CLEC16A: variants seen among roughly 807,000 people sequenced by gnomAD.
CLEC16A encodes the protein protein CLEC16A.
In CLEC16A, 51 loss-of-function variants were observed where a neutral mutation model predicts 109.5. The observed-to-expected ratio is 0.47, with a 90% CI of 0.37 to 0.59. CLEC16A has a LOEUF of 0.59. Ranked by LOEUF, CLEC16A falls within the 20% of genes least tolerant of loss-of-function variation. The pLI, the probability that CLEC16A is intolerant of heterozygous loss-of-function variation, is 0.00. For missense variants in CLEC16A, 1,339 were observed against 1,394.0 expected, an observed-to-expected ratio of 0.96 and a Z score of 0.63; for synonymous variants, 673 against 564.2, an observed-to-expected ratio of 1.19 and a Z score of -2.73.
intron 2 of CLEC16A, among the ~76,000 whole-genome samples, chr16:10,960,733 ATCTCT>A (rs894867871): frequency 3.3e-5 from 5 of 152,070 alleles, no homozygotes; most frequent in Non-Finnish European, 5.9e-5. Flanking sequence ...TGGAAGATTC[ATCTCT>A]TCTCTCTCAT....
chr16:11,101,272 C>G (rs988492172), intron 19 of CLEC16A, among the ~76,000 whole-genome samples: 2 of 152,188 alleles, frequency 1.3e-5, no homozygotes, highest in African/African-American at 4.8e-5. Context: ...ATTTATAGTC[C>G]TAGGTGTGGC....
chr16:11,029,265 C>A (rs931967690), intron 13 of CLEC16A, among the ~76,000 whole-genome samples: 1 of 152,072 alleles, frequency 6.6e-6, no homozygotes, highest in African/African-American at 2.4e-5. Context: ...CCACACTGGC[C>A]CCCCCAGTGT....
At chr16:10,972,198 G>A (rs1209013892) in intron 5 of CLEC16A, among the ~76,000 whole-genome samples, 3 of 152,238 alleles carry the variant, frequency 2.0e-5, no homozygotes, top group African/African-American at 7.2e-5. Context: ...CCTTGAAGAT[G>A]TAGATTTGGC....
At chr16:11,156,857 C>G (rs115155109) in intron 22 of CLEC16A, among the ~76,000 whole-genome samples, 2,159 of 151,982 alleles carry the variant, frequency 0.014, 65 homozygotes, top group African/African-American at 0.05. Context: ...CCCTCTGTGG[C>G]CTGGATAGGT....
rs2041243303 is a variant in CLEC16A, at chr16:10,944,618, C to T, written c.-100C>T. 2.5e-6 allele frequency: 3 copies of T among 1,183,514 alleles called. No individual in the cohort carries two copies. The highest frequency in any genetic ancestry group is 2.4e-6 in the Non-Finnish European group (2 of 836,930). The allele number at this position is 1,183,514 out of a possible 1,614,324, so 73.3% of individuals were successfully genotyped here. On this transcript the variant is annotated 5_prime_UTR_variant, in exon 1 of 24. Transcript: ENST00000409790. ...CGGCTCGCGGTTCCTCCACCGCCTC[C>T]GCCGCCGCATCCTCCGCTTGTGCTA...
chr16:11,043,254 A>G (rs1455258043), intron 15 of CLEC16A, among the ~76,000 whole-genome samples: 1 of 152,086 alleles, frequency 6.6e-6, no homozygotes, highest in Non-Finnish European at 1.5e-5. Context: ...CCCTATCTCT[A>G]AAAAAACAAA....
intron 12 of CLEC16A, 62 bp downstream of exon 12, chr16:11,020,387 G>A (rs2046026075): frequency 2.0e-6 from 3 of 1,514,536 alleles, no homozygotes; most frequent in Non-Finnish European, 8.9e-7. Flanking sequence ...GCTCAGTGGG[G>A]AGGTTGAGCC....
intron 19 of CLEC16A, among the ~76,000 whole-genome samples, chr16:11,078,548 A>C (rs2049518850): frequency 6.6e-6 from 1 of 152,210 alleles, no homozygotes; most frequent in African/African-American, 2.4e-5. Context: ...TCAGTTTCTC[A>C]GGTGGAAACC....
At chr16:10,945,331 C>T (rs1479255785) in intron 1 of CLEC16A, among the ~76,000 whole-genome samples, 1 of 152,144 alleles carries the variant, frequency 6.6e-6, no homozygotes, top group South Asian at 2.1e-4. Flanking sequence ...GCTCATTAAA[C>T]GGCATTAATT....
chr16:11,047,083 A>G (rs2047672865), intron 16 of CLEC16A, among the ~76,000 whole-genome samples: 2 of 152,106 alleles, frequency 1.3e-5, no homozygotes, highest in Admixed American at 1.3e-4. Context: ...GGAAGGAGAA[A>G]ATTTTGAATA....
At chr16:11,156,916 C>G (rs1024540440) in intron 22 of CLEC16A, among the ~76,000 whole-genome samples, 1 of 101,692 alleles carries the variant, frequency 9.8e-6, no homozygotes, top group East Asian at 3.4e-4. Context: ...CCCAAATGCC[C>G]GCCCCCCCCC....
intron 22 of CLEC16A, among the ~76,000 whole-genome samples, chr16:11,132,408 G>GAAT (rs1171527141): frequency 6.6e-6 from 1 of 151,978 alleles, no homozygotes; most frequent in African/African-American, 2.4e-5. Flanking sequence ...TCTTTTAGCT[G>GAAT]AATAATATGC....
chr16:11,043,840 C>G (rs763849625), intron 15 of CLEC16A, among the ~76,000 whole-genome samples, 188 bp from the exon 16 acceptor site: 3 of 151,804 alleles, frequency 2.0e-5, no homozygotes, highest in Non-Finnish European at 4.4e-5. Flanking sequence ...ACTCCATGCA[C>G]TCCAGCCTGG....
intron 22 of CLEC16A, among the ~76,000 whole-genome samples, chr16:11,131,474 A>C (rs1354166116): frequency 6.6e-6 from 1 of 152,202 alleles, no homozygotes; most frequent in African/African-American, 2.4e-5. Flanking sequence ...AGGCTGCTTC[A>C]GGAGGCCGCA....
At chr16:10,998,755 G>A (rs2044481376) in intron 10 of CLEC16A, among the ~76,000 whole-genome samples, 1 of 152,082 alleles carries the variant, frequency 6.6e-6, no homozygotes. Context: ...CTCAGCAGCA[G>A]CCTGTCCGCC....
chr16:11,177,726 A>G (rs1293564366), intron 23 of CLEC16A, among the ~76,000 whole-genome samples: 1 of 152,176 alleles, frequency 6.6e-6, no homozygotes, highest in African/African-American at 2.4e-5. Flanking sequence ...AGCTCGGGAC[A>G]ATAATGGCCT....
intron 22 of CLEC16A, among the ~76,000 whole-genome samples, chr16:11,152,190 G>C (rs943739462): frequency 6.6e-6 from 1 of 152,228 alleles, no homozygotes; most frequent in African/African-American, 2.4e-5. Flanking sequence ...CAAATGTAGT[G>C]CTGTCTTTTA....
At chr16:10,970,480 G>A (rs1180828485) in intron 4 of CLEC16A, among the ~76,000 whole-genome samples, 1 of 152,188 alleles carries the variant, frequency 6.6e-6, no homozygotes, top group Non-Finnish European at 1.5e-5. Flanking sequence ...TAGAAACAGA[G>A]GTTTAGAAAT....
At chr16:11,077,763 G>A (rs551615386) in intron 19 of CLEC16A, among the ~76,000 whole-genome samples, 7 of 152,258 alleles carry the variant, frequency 4.6e-5, no homozygotes, top group South Asian at 4.1e-4. Flanking sequence ...TGCTGCAGGC[G>A]GCCTGGACAG....
Sources: allele counts gnomAD v4.1 joint callset (sites outside exome capture counted in the v4.1 genomes callset), GRCh38; gene constraint gnomAD v4.1.1; transcripts MANE v1.5; gene names NCBI Gene and HGNC (gene_info 2026-07-23, HGNC 2026-07-21).